The following TARS3 variants were observed in gnomAD, a reference collection of about 807,000 sequenced individuals.
TARS3 encodes the protein threonyl-tRNA synthetase 3.
TARS3 carries 94 observed loss-of-function variants against 103.5 expected under a neutral mutation model. The ratio of observed to expected loss-of-function variants is 0.91; its 90% CI spans 0.77 to 1.08. TARS3 has a LOEUF of 1.08. Ranked by LOEUF, TARS3 falls within the 50% of genes least tolerant of loss-of-function variation. TARS3 has a pLI of 0.00. For missense variants in TARS3, 952 were observed against 995.2 expected (o/e 0.96, Z 0.58); for synonymous variants, 416 against 355.4 (o/e 1.17, Z -1.92).
chr15:101,658,708 G>A (rs1238247893), intron 16 of TARS3, among the ~76,000 whole-genome samples: 1 of 152,226 alleles, frequency 6.6e-6, no homozygotes, highest in African/African-American at 2.4e-5. Context: ...TCAATGTCTA[G>A]TTCTTGGCTG....
chr15:101,698,911 C>A (rs1899115965), intron 10 of TARS3, among the ~76,000 whole-genome samples: 1 of 152,172 alleles, frequency 6.6e-6, no homozygotes, highest in African/African-American at 2.4e-5. Context: ...CATAAACCCA[C>A]CAGCCTGTCA....
intron 15 of TARS3, among the ~76,000 whole-genome samples, chr15:101,668,030 G>A (rs1396312096): frequency 6.6e-6 from 1 of 152,146 alleles, no homozygotes; most frequent in Non-Finnish European, 1.5e-5. Flanking sequence ...TTGGCTTCAG[G>A]GAAACTTTCT....
At chr15:101,675,939 C>T (rs942762259) in intron 12 of TARS3, among the ~76,000 whole-genome samples, 3 of 151,886 alleles carry the variant, frequency 2.0e-5, no homozygotes, top group South Asian at 2.1e-4. Flanking sequence ...AAGGAGTAGG[C>T]GAGGGAACCG....
Position 101,705,729 on chromosome 15 carries a change from G to C in TARS3, c.949C>G (p.Arg317Gly). The change falls in exon 7 of 19, where the codon CGC becomes GGC. Residue 317 changes from arginine (R) to glycine (G), a missense_variant. Physicochemically the swap from Arg to Gly is moderately radical, Grantham distance 125. Coordinates refer to ENST00000335968, the MANE Select transcript of TARS3 (RefSeq NM_152334.3). ...GTGTTAACTTTCTCATTCAGAATGC[G>C]GCATTTAAATTTATTGTACTACGAA... ...EMFKYNKFKCRILNEKVNTAT... is the reference protein window; with the variant it reads ...EMFKYNKFKCGILNEKVNTAT... 2 of 1,609,898 alleles carry C rather than the reference G, an allele frequency of 1.2e-6. No individual in the cohort carries two copies. The highest frequency in any genetic ancestry group is 1.7e-6 in the Non-Finnish European group (2 of 1,177,450).
chr15:101,654,227 TA>T lies in TARS3; in HGVS notation c.*354del, dbSNP rs201695929. ...AGAAAATAAGATTTTCCCTCCTATT[TA>T]AAAAAAACTCTGCAGACTTTTATTT... On this transcript the variant is annotated 3_prime_UTR_variant, in exon 19 of 19. Transcript: ENST00000335968. 3.3e-5 allele frequency: 6 copies of T among 179,254 alleles called. No individual in the cohort carries two copies. The South Asian group carries it at 9.0e-4, about 27-fold the overall frequency. 11.1% of individuals were successfully genotyped at this position (179,254 alleles called of 1,614,324 possible). A position where few individuals can be genotyped will look rare whatever the true frequency, so the allele number is the denominator to read the frequency against.
Position 101,684,218 on chromosome 15 carries a change from G to T in TARS3, c.1507C>A (p.Pro503Thr). 2 of 1,613,864 alleles carry T rather than the reference G, an allele frequency of 1.2e-6. No individual in the cohort carries two copies. Among genetic ancestry groups the T allele is most frequent in the Non-Finnish European group, 1.7e-6 (2 of 1,179,844 alleles). ...PGHCLMFAHR[P>T]RSWREMPIRF... is the part of the protein sequence containing the mutation. Reference sequence around the variant, plus strand: ...ATAGGCATTTCCCTCCAAGATCGTGGACGATGGGCAAACATTAGACTAGAA... The same window carrying T: ...ATAGGCATTTCCCTCCAAGATCGTGTACGATGGGCAAACATTAGACTAGAA... The change falls in exon 12 of 19, where the codon CCA becomes ACA. Residue 503 changes from proline to threonine, a missense_variant. Pro to Thr is a conservative substitution (Grantham distance 38). Coordinates refer to ENST00000335968, the MANE Select transcript of TARS3 (RefSeq NM_152334.3).
At chr15:101,704,974 G>A (rs1056240837) in intron 7 of TARS3, among the ~76,000 whole-genome samples, 2 of 152,132 alleles carry the variant, frequency 1.3e-5, no homozygotes, top group African/African-American at 4.8e-5. Context: ...TACCATGAGG[G>A]AGAATATCTG....
intron 6 of TARS3, 27 bp from the exon 7 acceptor site, chr15:101,705,774 T>G: frequency 6.5e-7 from 1 of 1,527,202 alleles, no homozygotes; most frequent in East Asian, 2.3e-5. Flanking sequence ...ATTTACACAT[T>G]ATTACACACA....
chr15:101,671,148 C>T (rs564006904), intron 15 of TARS3, among the ~76,000 whole-genome samples: 2 of 152,164 alleles, frequency 1.3e-5, no homozygotes, highest in South Asian at 2.1e-4. Context: ...TTTTCCCCTG[C>T]TTTTTCAAGA....
chr15:101,716,855 A>ATTTTT (rs34234379), intron 3 of TARS3, among the ~76,000 whole-genome samples: 1 of 131,664 alleles, frequency 7.6e-6, no homozygotes. Context: ...CTACAATGTA[A>ATTTTT]TTTTTTTTTT....
intron 3 of TARS3, among the ~76,000 whole-genome samples, chr15:101,718,358 T>C (rs1490313394): frequency 6.6e-6 from 1 of 151,760 alleles, no homozygotes; most frequent in East Asian, 1.9e-4. Context: ...GGGGACAGTG[T>C]TGGTATACCC....
chr15:101,674,219 G>A (rs927246100), intron 13 of TARS3, among the ~76,000 whole-genome samples: 3 of 152,150 alleles, frequency 2.0e-5, no homozygotes, highest in Non-Finnish European at 4.4e-5. Context: ...CAGTATCACA[G>A]TGCTTATGTT....
At chr15:101,692,885 C>A (rs1438784011) in intron 10 of TARS3, among the ~76,000 whole-genome samples, 1 of 152,162 alleles carries the variant, frequency 6.6e-6, no homozygotes, top group Non-Finnish European at 1.5e-5. Flanking sequence ...CTGCCATGTT[C>A]ACAAAGACAA....
chr15:101,695,977 G>C (rs1329780641), intron 10 of TARS3: 2 of 152,154 alleles, frequency 1.3e-5, no homozygotes, highest in Non-Finnish European at 2.9e-5. Flanking sequence ...CCAGCACTTT[G>C]GGAGGCCGAG....
intron 15 of TARS3, among the ~76,000 whole-genome samples, chr15:101,667,768 A>G (rs1027994354): frequency 1.3e-5 from 2 of 151,982 alleles, no homozygotes; most frequent in African/African-American, 4.8e-5. Flanking sequence ...TATTTTTAGT[A>G]GAGACGGGGT....
Position 101,675,667 on chromosome 15 carries a change from T to A in TARS3, c.1721A>T (p.Gln574Leu). Residue 574 changes from glutamine (Q) to leucine (L), a missense_variant, in exon 13 of 19, where the codon CAA becomes CTA. Transcript: ENST00000335968. ...SVYSTFGFSFQLNLSTRPENF... is the reference protein window; with the variant it reads ...SVYSTFGFSFLLNLSTRPENF... ...TTCCGGCCTTGTTGACAGGTTTAAT[T>A]GAAAGGAGAAGCCAAATGTTGAGTA... 1 of 1,614,140 alleles carries A rather than the reference T, an allele frequency of 6.2e-7. No homozygotes were observed. Among genetic ancestry groups the A allele is most frequent in the South Asian group, 1.1e-5 (1 of 91,066 alleles).
At chr15:101,655,236 A>G (rs1209549429) in intron 18 of TARS3, among the ~76,000 whole-genome samples, 1 of 136,594 alleles carries the variant, frequency 7.3e-6, no homozygotes, top group Non-Finnish European at 1.6e-5. Flanking sequence ...CCCACCTGGC[A>G]CTAGGGTGCA....
At chr15:101,671,394 A>G (rs1172882363) in intron 15 of TARS3, 92 bp downstream of exon 15, 2 of 922,470 alleles carry the variant, frequency 2.2e-6, no homozygotes, top group Non-Finnish European at 3.4e-6. Flanking sequence ...TATACTAGAC[A>G]TTCACTAATG....
chr15:101,709,437 A>G (rs1364921378), intron 5 of TARS3, among the ~76,000 whole-genome samples: 2 of 152,080 alleles, frequency 1.3e-5, no homozygotes, highest in Admixed American at 1.3e-4. Context: ...GCCACTCCTC[A>G]AACAAGCCAC....
Sources: allele counts gnomAD v4.1 joint callset (sites outside exome capture counted in the v4.1 genomes callset), GRCh38; gene constraint gnomAD v4.1.1; transcripts MANE v1.5; gene names NCBI Gene and HGNC (gene_info 2026-07-23, HGNC 2026-07-21).